The following SCYL2 variants were observed in gnomAD, a reference collection of about 807,000 sequenced individuals.
The protein encoded by SCYL2 is SCY1-like protein 2.
In SCYL2, 36 loss-of-function variants were observed where a neutral mutation model predicts 100.4. That is an observed-to-expected ratio of 0.36 (90% CI 0.27 to 0.47). SCYL2 has a LOEUF of 0.47. Among genes scored for constraint, SCYL2 ranks in the 20% least tolerant of loss-of-function variants. The pLI is 1.00. For synonymous variants in SCYL2, 330 were observed against 359.2 expected, an observed-to-expected ratio of 0.92 and a Z score of 0.92; for missense variants, 902 against 1,083.9, an observed-to-expected ratio of 0.83 and a Z score of 2.36.
At chr12:100,308,806 C>A (rs182157735) in intron 4 of SCYL2, among the ~76,000 whole-genome samples, 2 of 152,192 alleles carry the variant, frequency 1.3e-5, no homozygotes, top group African/African-American at 2.4e-5. Flanking sequence ...GGCTAGGTCT[C>A]GTTCAAATGC....
intron 4 of SCYL2, among the ~76,000 whole-genome samples, chr12:100,308,074 GTA>G (rs1348456835): frequency 6.6e-6 from 1 of 152,166 alleles, no homozygotes; most frequent in Admixed American, 6.5e-5. Context: ...GTTGAAAACA[GTA>G]TGGCGATTCC....
At chr12:100,317,043 C>T (rs2096349641) in intron 9 of SCYL2, among the ~76,000 whole-genome samples, 1 of 151,572 alleles carries the variant, frequency 6.6e-6, no homozygotes, top group Non-Finnish European at 1.5e-5. Flanking sequence ...CTGCGGTAAG[C>T]TATGATCGCG....
At chr12:100,328,329 T>A (rs894921498) in intron 12 of SCYL2, among the ~76,000 whole-genome samples, 7 of 152,200 alleles carry the variant, frequency 4.6e-5, no homozygotes, top group African/African-American at 1.7e-4. Context: ...ATTTGAGCCC[T>A]GGCTCTAATC....
chr12:100,268,296 T>A (rs2096282143), intron 1 of SCYL2, among the ~76,000 whole-genome samples: 1 of 152,246 alleles, frequency 6.6e-6, no homozygotes, highest in African/African-American at 2.4e-5. Flanking sequence ...ATAAATAGTT[T>A]AGCAAAAATG....
chr12:100,283,043 G>A lies in SCYL2; in HGVS notation c.73G>A (p.Gly25Arg). Reference protein sequence around the residue: ...VTADVTSAVMGNPVTREFDVG... With the variant: ...VTADVTSAVMRNPVTREFDVG... Reference sequence around the variant, plus strand: ...AGCTGATGTCACTAGTGCTGTAATGGGAAATCCTGTCACTAGAGAATTTGA... The same window carrying A: ...AGCTGATGTCACTAGTGCTGTAATGAGAAATCCTGTCACTAGAGAATTTGA... The change falls in exon 2 of 18, where the codon GGA becomes AGA. Residue 25 changes from glycine (G) to arginine (R), a missense_variant. Transcript: ENST00000360820. The A allele has an allele frequency of 6.2e-7, 1 of 1,612,748 alleles. No homozygotes were observed. Among genetic ancestry groups the A allele is most frequent in the Non-Finnish European group, 8.5e-7 (1 of 1,179,030 alleles).
At chr12:100,287,844 T>C (rs959521167) in intron 2 of SCYL2, among the ~76,000 whole-genome samples, 2 of 152,212 alleles carry the variant, frequency 1.3e-5, no homozygotes, top group Non-Finnish European at 2.9e-5. Flanking sequence ...TTAAAGATGA[T>C]AATAAAAAGC....
At chr12:100,327,093 A>G (rs1207774110) in intron 12 of SCYL2, 4 of 301,332 alleles carry the variant, frequency 1.3e-5, no homozygotes, top group East Asian at 9.1e-5. Flanking sequence ...TTGATACTCA[A>G]TTTGTAAGAG....
chr12:100,301,611 T>C (rs1283065760), intron 4 of SCYL2, among the ~76,000 whole-genome samples: 3 of 152,280 alleles, frequency 2.0e-5, no homozygotes. Flanking sequence ...TGAAATGTTC[T>C]GTAAATATCT....
chr12:100,298,515 G>A, intron 4 of SCYL2, among the ~76,000 whole-genome samples: 1 of 152,106 alleles, frequency 6.6e-6, no homozygotes, highest in East Asian at 1.9e-4. Flanking sequence ...TATCTTTAAG[G>A]AATTTAGTTA....
chr12:100,311,202 A>G lies in SCYL2; in HGVS notation c.630+9A>G. ...ATCCTTCTGAACAAGAGGTAATGAA[A>G]GTTTTAGTCTTCTAATTTTTGAGGC... is the stretch of plus-strand genomic sequence containing the variant. On this transcript the variant is annotated intron_variant, in intron 5 of 17. Coordinates refer to ENST00000360820, the MANE Select transcript of SCYL2 (RefSeq NM_017988.6). The G allele has an allele frequency of 6.3e-7, 1 of 1,580,218 alleles. No individual in the cohort carries two copies. The highest frequency in any genetic ancestry group is 8.6e-7 in the Non-Finnish European group (1 of 1,169,162).
chr12:100,285,182 T>C (rs991872303), intron 2 of SCYL2, among the ~76,000 whole-genome samples: 2 of 152,210 alleles, frequency 1.3e-5, no homozygotes, highest in African/African-American at 4.8e-5. Context: ...CTAATACTCA[T>C]GTCCTTTCCT....
rs551037214 is a variant in SCYL2, at chr12:100,326,410, C to T, written c.1510-212C>T. ...TTCCTTGACTTTAGCTCACTAGTGA[C>T]CTGGTGAAGCAATCATAAATTCTTT... On this transcript the variant is annotated intron_variant, in intron 11 of 17. Transcript: ENST00000360820. Among the ~76,000 whole-genome samples the T allele has an allele frequency of 3.9e-5, 6 of 152,164 alleles. No individual in the cohort carries two copies. The South Asian group carries it at 1.2e-3, about 32-fold the overall frequency.
chr12:100,288,664 C>T (rs1185435615), intron 2 of SCYL2, among the ~76,000 whole-genome samples: 7 of 151,608 alleles, frequency 4.6e-5, no homozygotes, highest in Non-Finnish European at 2.9e-5. Context: ...AGTGAGACCT[C>T]GTCTCTACAA....
intron 4 of SCYL2, among the ~76,000 whole-genome samples, chr12:100,307,152 T>A (rs960390350): frequency 6.6e-6 from 1 of 152,214 alleles, no homozygotes; most frequent in South Asian, 2.1e-4. Context: ...TACTTTAAAT[T>A]TCATATGGAA....
chr12:100,273,841 G>C lies in SCYL2; in HGVS notation c.-29+6049G>C, dbSNP rs1044105427. Reference sequence around the variant, plus strand: ...CTTTGGAGGACTGAGTCTGCTATTGGACGGAGTCCCTAAAAAGAAGAACCT... The same window carrying C: ...CTTTGGAGGACTGAGTCTGCTATTGCACGGAGTCCCTAAAAAGAAGAACCT... On this transcript the variant is annotated intron_variant, in intron 1 of 17. Transcript: ENST00000360820. 1.3e-5 allele frequency among the ~76,000 whole-genome samples: 2 copies of C among 152,190 alleles called. 1 individual carries two copies. Among genetic ancestry groups the C allele is most frequent in the African/African-American group, 4.8e-5 (2 of 41,444 alleles).
Position 100,315,885 on chromosome 12 carries a change from TTTGAAC to T in SCYL2, c.1272+152_1272+157del, listed in dbSNP as rs1412330066. The stretch of plus-strand genomic sequence containing the variant: ...ATTAGTCAGAAAGCTGCTTTACATG[TTTGAAC>T]CAAACTATTTTTAAAATTATGATTG... On this transcript the variant is annotated intron_variant, in intron 9 of 17. Transcript: ENST00000360820. 1.8e-5 allele frequency: 11 copies of T among 627,944 alleles called. No individual in the cohort carries two copies. In the Admixed American group the frequency reaches 3.5e-4, roughly 20 times the overall value. 38.9% of individuals were successfully genotyped at this position (627,944 alleles called of 1,614,324 possible).
chr12:100,289,449 G>A (rs10860574), intron 2 of SCYL2, among the ~76,000 whole-genome samples: 22,574 of 152,120 alleles, frequency 0.15, 1,895 homozygotes, highest in Non-Finnish European at 0.18. Flanking sequence ...TATTTGTCTC[G>A]TAGGGTTTCT....
chr12:100,306,022 C>T (rs1028380977), intron 4 of SCYL2, among the ~76,000 whole-genome samples: 5 of 152,072 alleles, frequency 3.3e-5, no homozygotes, highest in Admixed American at 6.6e-5. Flanking sequence ...TAATAGCCTA[C>T]GAACCGAAAA....
intron 8 of SCYL2, 47 bp downstream of exon 8, chr12:100,314,661 AAAGTTT>A: frequency 6.6e-7 from 1 of 1,518,066 alleles, no homozygotes; most frequent in Non-Finnish European, 8.9e-7. Flanking sequence ...TTTAGAAGTT[AAAGTTT>A]ATTTTGACTT....
Sources: allele counts gnomAD v4.1 joint callset (sites outside exome capture counted in the v4.1 genomes callset), GRCh38; gene constraint gnomAD v4.1.1; transcripts MANE v1.5; gene names NCBI Gene and HGNC (gene_info 2026-07-23, HGNC 2026-07-21).